FARS2: variants seen among roughly 807,000 people sequenced by gnomAD.
FARS2 encodes phenylalanyl-tRNA synthetase 2, mitochondrial.
A neutral mutation model predicts 46.4 loss-of-function variants in FARS2; 40 were observed. That is an observed-to-expected ratio of 0.86 (90% confidence interval 0.67 to 1.12). The LOEUF is 1.12. Ranked by LOEUF, FARS2 falls within the 50% of genes most tolerant of loss-of-function variation. The pLI is 0.00. For synonymous variants in FARS2, 234 were observed against 214.9 expected, an observed-to-expected ratio of 1.09 and a Z score of -0.78; for missense variants, 513 against 567.9, an observed-to-expected ratio of 0.90 and a Z score of 0.98.
chr6:5,269,263 T>C (rs1178834269), intron 1 of FARS2, among the ~76,000 whole-genome samples: 3 of 150,302 alleles, frequency 2.0e-5, no homozygotes. Flanking sequence ...CCGCATGTTC[T>C]CACTCATAGG....
chr6:5,666,501 G>A (rs12174223), intron 6 of FARS2, among the ~76,000 whole-genome samples: 46,589 of 152,084 alleles, frequency 0.31, 8,797 homozygotes, highest in Non-Finnish European at 0.41. Flanking sequence ...AGGAGAGAGA[G>A]CAGTGCTATT....
chr6:5,591,507 C>T lies in FARS2; in HGVS notation c.1066-21662C>T, dbSNP rs142375233. Among the ~76,000 whole-genome samples the T allele has an allele frequency of 2.1e-3, 326 of 152,334 alleles. 1 individual carries two copies. The highest frequency in any genetic ancestry group is 7.3e-3 in the African/African-American group (302 of 41,574). On this transcript the variant is annotated intron_variant, in intron 5 of 6. Coordinates refer to ENST00000274680, the MANE Select transcript of FARS2 (RefSeq NM_006567.5). Reference sequence around the variant, plus strand: ...TTTGCCTCTGGCCTGAACGCCTCCTCGAGATATGGGCGATCCAGGTGCCTG... The same window carrying T: ...TTTGCCTCTGGCCTGAACGCCTCCTTGAGATATGGGCGATCCAGGTGCCTG...
At position 5,704,041 on chromosome 6, in the gene FARS2, C is replaced by T. The variant is rs569895164; in HGVS notation, c.1218-67250C>T. Among the ~76,000 whole-genome samples, 5 of 152,324 alleles carry T rather than the reference C, an allele frequency of 3.3e-5. No individual in the cohort carries two copies. The South Asian group carries it at 1.0e-3, about 32-fold the overall frequency. ...ACATAATGCTGGGTTCTCCTTCCTA[C>T]AGCAGTGGAGATGGGGTCAGATGCC... is the stretch of plus-strand genomic sequence containing the variant. On this transcript the variant is annotated intron_variant, in intron 6 of 6. Transcript: ENST00000274680.
chr6:5,353,390 T>A (rs1419714631), intron 1 of FARS2, among the ~76,000 whole-genome samples: 1 of 152,226 alleles, frequency 6.6e-6, no homozygotes, highest in Non-Finnish European at 1.5e-5. Context: ...TTTGACATAC[T>A]GATTTCATTT....
chr6:5,703,266 A>G (rs955151820), intron 6 of FARS2, among the ~76,000 whole-genome samples: 2 of 152,070 alleles, frequency 1.3e-5, no homozygotes, highest in African/African-American at 4.8e-5. Context: ...ACCAAGCACA[A>G]TCCACGCTGT....
intron 1 of FARS2, among the ~76,000 whole-genome samples, chr6:5,350,162 C>T (rs1017324677): frequency 7.0e-6 from 1 of 143,128 alleles, no homozygotes; most frequent in African/African-American, 2.5e-5. Flanking sequence ...ACCACCATGC[C>T]TGGCAAATTT....
At chr6:5,338,775 G>T (rs1771349087) in intron 1 of FARS2, among the ~76,000 whole-genome samples, 1 of 152,162 alleles carries the variant, frequency 6.6e-6, no homozygotes, top group Non-Finnish European at 1.5e-5. Flanking sequence ...CCGTGAATCT[G>T]CAGTGCTTAG....
chr6:5,436,703 T>G (rs890223199), intron 4 of FARS2, among the ~76,000 whole-genome samples: 3 of 152,212 alleles, frequency 2.0e-5, no homozygotes, highest in Non-Finnish European at 4.4e-5. Flanking sequence ...AAGTGGTCAT[T>G]CTCAGATGTG....
chr6:5,602,645 CAAAAAAAAAAAAAA>C (rs55712653), intron 5 of FARS2, among the ~76,000 whole-genome samples: 22 of 72,174 alleles, frequency 3.0e-4, no homozygotes, highest in African/African-American at 8.8e-4. Context: ...GACTCCGTCT[CAAAAAAAAAAAAAA>C]AAAAAAAAAA....
intron 6 of FARS2, among the ~76,000 whole-genome samples, chr6:5,717,171 AG>A (rs1256571056): frequency 6.6e-6 from 1 of 152,190 alleles, no homozygotes; most frequent in Non-Finnish European, 1.5e-5. Context: ...GGGGTAGATT[AG>A]AGTCCTGCCT....
At chr6:5,703,429 G>A (rs1317516821) in intron 6 of FARS2, among the ~76,000 whole-genome samples, 1 of 152,266 alleles carries the variant, frequency 6.6e-6, no homozygotes, top group Non-Finnish European at 1.5e-5. Context: ...TGGCAGCTTG[G>A]TAATTTTAGA....
At chr6:5,582,411 A>G (rs186898001) in intron 5 of FARS2, among the ~76,000 whole-genome samples, 1 of 152,390 alleles carries the variant, frequency 6.6e-6, no homozygotes, top group African/African-American at 2.4e-5. Context: ...CACGGTGGCT[A>G]TGCTGAATAC....
chr6:5,727,520 G>A lies in FARS2; in HGVS notation c.1218-43771G>A, dbSNP rs779511097. 7.9e-5 allele frequency among the ~76,000 whole-genome samples: 12 copies of A among 152,124 alleles called. No homozygotes were observed. The highest frequency in any genetic ancestry group is 1.5e-4 in the Non-Finnish European group (10 of 68,022). ...GGTAACTGAAGAAAGTGCATTCCGCGGTCTCCATGTGGTCAGGACTTGGCT... is the reference window on the plus strand; with the variant it reads ...GGTAACTGAAGAAAGTGCATTCCGCAGTCTCCATGTGGTCAGGACTTGGCT... On this transcript the variant is annotated intron_variant, in intron 6 of 6. Coordinates refer to ENST00000274680, the MANE Select transcript of FARS2 (RefSeq NM_006567.5). The surrounding 1 kb of genome is among the most constrained non-coding windows in gnomAD (Gnocchi z 4.1).
chr6:5,532,446 G>A (rs1769901007), intron 4 of FARS2, among the ~76,000 whole-genome samples: 1 of 152,172 alleles, frequency 6.6e-6, no homozygotes, highest in African/African-American at 2.4e-5. Flanking sequence ...TGTCATTGGT[G>A]AAGTTCTGTA....
At chr6:5,542,616 A>G (rs1770703593) in intron 4 of FARS2, among the ~76,000 whole-genome samples, 1 of 152,164 alleles carries the variant, frequency 6.6e-6, no homozygotes, top group Admixed American at 6.5e-5. Flanking sequence ...GATCACCAAA[A>G]ATGTCTTCAG....
intron 6 of FARS2, among the ~76,000 whole-genome samples, chr6:5,692,316 G>T (rs747557305): frequency 5.3e-5 from 8 of 152,116 alleles, no homozygotes; most frequent in Non-Finnish European, 1.0e-4. Context: ...GTTCCTATTC[G>T]GCCATCTTGG....
the FARS2 span, among the ~76,000 whole-genome samples, chr6:5,253,255 A>G: frequency 6.6e-6 from 1 of 152,216 alleles, no homozygotes; most frequent in Non-Finnish European, 1.5e-5. Context: ...TTCTTAAGCT[A>G]TAAGAGGGAT....
chr6:5,495,175 C>G (rs1283849161), intron 4 of FARS2, among the ~76,000 whole-genome samples: 1 of 152,166 alleles, frequency 6.6e-6, no homozygotes, highest in Non-Finnish European at 1.5e-5. Flanking sequence ...CAAAATGTGA[C>G]TCAGGTTAAA....
chr6:5,398,892 T>G (rs1446227743), intron 2 of FARS2, among the ~76,000 whole-genome samples: 1 of 152,144 alleles, frequency 6.6e-6, no homozygotes, highest in African/African-American at 2.4e-5. Context: ...GTTTCATAAT[T>G]GTTAACACAT....
Sources: allele counts gnomAD v4.1 joint callset (sites outside exome capture counted in the v4.1 genomes callset), GRCh38; gene constraint gnomAD v4.1.1; non-coding constraint Gnocchi (gnomAD v3.1); transcripts MANE v1.5; gene names NCBI Gene and HGNC (gene_info 2026-07-23, HGNC 2026-07-21).